Variants in NUP93 observed in about 807,000 individuals in gnomAD.
The protein encoded by NUP93 is nucleoporin 93.
In NUP93, 55 loss-of-function variants were observed where a neutral mutation model predicts 107.8. The observed-to-expected ratio is 0.51, with a 90% CI of 0.41 to 0.64. NUP93 has a LOEUF of 0.64. Ranked by LOEUF, NUP93 falls within the 30% of genes least tolerant of loss-of-function variation. The probability of loss-of-function intolerance (pLI) is 0.00; values close to 1 mark genes in which losing one functional copy is unlikely to be tolerated. For synonymous variants in NUP93, 390 were observed against 397.5 expected, an observed-to-expected ratio of 0.98 and a Z score of 0.22; for missense variants, 937 against 1,044.7, an observed-to-expected ratio of 0.90 and a Z score of 1.42.
intron 1 of NUP93, chr16:56,741,004 G>GGGGAGAGGGAGGGGGAGA (rs1961729645): frequency 2.1e-5 from 3 of 144,802 alleles, no homozygotes; most frequent in Non-Finnish European, 4.5e-5. Context: ...GGGAGACCGT[G>GGGGAGAGGGAGGGGGAGA]GGGAGAGGGA....
At chr16:56,838,213 C>T (rs1963952328) in intron 18 of NUP93, among the ~76,000 whole-genome samples, 1 of 152,194 alleles carries the variant, frequency 6.6e-6, no homozygotes. Context: ...ACTTTTTGCG[C>T]TCTCTGTAGA....
chr16:56,807,047 CAA>C (rs1421326552), intron 5 of NUP93, among the ~76,000 whole-genome samples: 2 of 152,204 alleles, frequency 1.3e-5, no homozygotes, highest in African/African-American at 4.8e-5. Context: ...GAATGAAAAC[CAA>C]AGTCTTCACT....
chr16:56,762,920 T>C (rs1238053843), intron 3 of NUP93, among the ~76,000 whole-genome samples: 4 of 152,156 alleles, frequency 2.6e-5, no homozygotes, highest in Non-Finnish European at 4.4e-5. Flanking sequence ...TCATGTCATA[T>C]AAGGACACCA....
intron 7 of NUP93, among the ~76,000 whole-genome samples, chr16:56,823,191 T>A (rs1963584287): frequency 6.6e-6 from 1 of 152,168 alleles, no homozygotes; most frequent in Admixed American, 6.5e-5. Context: ...TGGGAGGCTG[T>A]GACGCTCACC....
chr16:56,827,066 A>AAAAAAAAT (rs1469520713), intron 8 of NUP93, among the ~76,000 whole-genome samples: 1 of 143,022 alleles, frequency 7.0e-6, no homozygotes, highest in African/African-American at 2.5e-5. Context: ...AAAAAAAAAA[A>AAAAAAAAT]AAATTTTGTT....
chr16:56,763,565 T>A (rs1355952932), intron 3 of NUP93, among the ~76,000 whole-genome samples: 1 of 151,816 alleles, frequency 6.6e-6, no homozygotes, highest in Admixed American at 6.6e-5. Flanking sequence ...CCATTCTTTT[T>A]TCTTTTATAA....
chr16:56,778,943 TGAG>T (rs1962464515), intron 3 of NUP93, among the ~76,000 whole-genome samples: 1 of 152,108 alleles, frequency 6.6e-6, no homozygotes, highest in Non-Finnish European at 1.5e-5. Context: ...AAGGTCTCAG[TGAG>T]GAGAAGAAGC....
At chr16:56,743,570 A>G (rs941627342) in intron 1 of NUP93, among the ~76,000 whole-genome samples, 1 of 152,046 alleles carries the variant, frequency 6.6e-6, no homozygotes, top group East Asian at 1.9e-4. Flanking sequence ...AAGGTGGGTC[A>G]TTGTCCTTTG....
intron 4 of NUP93, 31 bp downstream of exon 4, chr16:56,798,569 A>G: frequency 6.3e-7 from 1 of 1,581,360 alleles, no homozygotes; most frequent in Non-Finnish European, 8.7e-7. Flanking sequence ...GTAGATGTAT[A>G]CAGATGAGGG....
At chr16:56,779,692 C>T (rs181631020) in intron 3 of NUP93, among the ~76,000 whole-genome samples, 22 of 152,204 alleles carry the variant, frequency 1.4e-4, no homozygotes, top group African/African-American at 4.3e-4. Flanking sequence ...TTGGGATACT[C>T]GTAGATGGAG....
intron 4 of NUP93, among the ~76,000 whole-genome samples, chr16:56,804,993 CAGTA>C (rs1467314287): frequency 2.0e-5 from 3 of 151,604 alleles, no homozygotes; most frequent in African/African-American, 7.3e-5. Flanking sequence ...AAACAGTTGT[CAGTA>C]AGTTTATTTA....
chr16:56,797,457 T>C (rs1295404573), intron 3 of NUP93, among the ~76,000 whole-genome samples: 1 of 152,170 alleles, frequency 6.6e-6, no homozygotes, highest in African/African-American at 2.4e-5. Flanking sequence ...AACTGCCCCC[T>C]TGTATGAAGA....
At position 56,833,426 on chromosome 16, in the gene NUP93, T is replaced by C. The variant is rs1181749364; in HGVS notation, c.1537+20T>C. 4.0e-6 allele frequency: 6 copies of C among 1,501,178 alleles called. No individual in the cohort carries two copies. The highest frequency in any genetic ancestry group is 1.4e-5 in the South Asian group (1 of 71,930). The allele number at this position is 1,501,178 out of a possible 1,614,324, so 93.0% of individuals were successfully genotyped here. A position where few individuals can be genotyped will look rare whatever the true frequency, so the allele number is the denominator to read the frequency against. On this transcript the variant is annotated intron_variant, in intron 13 of 21. Coordinates refer to ENST00000308159, the MANE Select transcript of NUP93 (RefSeq NM_014669.5). ...AGCTCCGTGAGTATTTGGGATTGGA[T>C]TGACAGTAATGTAACCACAGCACGT...
chr16:56,843,466 G>A (rs1964065615), intron 21 of NUP93, among the ~76,000 whole-genome samples: 1 of 152,130 alleles, frequency 6.6e-6, no homozygotes, highest in African/African-American at 2.4e-5. Flanking sequence ...GGTAGGGAGG[G>A]ATAGGATTAA....
chr16:56,760,710 C>T (rs936172903), intron 3 of NUP93, among the ~76,000 whole-genome samples: 14 of 152,136 alleles, frequency 9.2e-5, no homozygotes, highest in African/African-American at 3.4e-4. Context: ...CCAGGCCCCA[C>T]CCCCAACACT....
At chr16:56,803,951 C>G (rs951883998) in intron 4 of NUP93, among the ~76,000 whole-genome samples, 1 of 151,934 alleles carries the variant, frequency 6.6e-6, no homozygotes, top group African/African-American at 2.4e-5. Context: ...AGGGTTTTGC[C>G]ATGTTGACCA....
chr16:56,818,507 T>G (rs553553997), intron 5 of NUP93, among the ~76,000 whole-genome samples, 157 bp from the exon 6 acceptor site: 6 of 152,364 alleles, frequency 3.9e-5, no homozygotes, highest in Non-Finnish European at 7.3e-5. Flanking sequence ...TTGCATGTTA[T>G]TGAAATCCCT....
intron 2 of NUP93, among the ~76,000 whole-genome samples, chr16:56,756,459 C>T (rs941224000): frequency 2.6e-5 from 4 of 152,068 alleles, no homozygotes; most frequent in African/African-American, 9.7e-5. Context: ...CAGCTCCCTG[C>T]AAAGGACATG....
chr16:56,782,234 G>A (rs1026266991), intron 3 of NUP93: 1 of 985,000 alleles, frequency 1.0e-6, no homozygotes, highest in African/African-American at 1.7e-5. Context: ...GCCGTGTTTT[G>A]TAAAGAAATT....
Sources: gnomAD v4.1 joint callset for allele counts (sites outside exome capture counted in the v4.1 genomes callset) on GRCh38, gnomAD v4.1.1 for gene constraint, MANE v1.5 for transcripts, NCBI Gene and HGNC (gene_info 2026-07-23, HGNC 2026-07-21) for gene names.